SGCZ: variants seen among roughly 807,000 people sequenced by gnomAD.
SGCZ encodes the protein zeta-sarcoglycan.
SGCZ carries 40 observed loss-of-function variants against 41.3 expected under a neutral mutation model. The ratio of observed to expected loss-of-function variants is 0.97; its 90% CI spans 0.75 to 1.26. The LOEUF (loss-of-function observed/expected upper bound fraction) is 1.26, where lower values mean the gene tolerates loss of function less well. Ranked by LOEUF, SGCZ falls within the 50% of genes most tolerant of loss-of-function variation. The pLI is 0.00. For synonymous variants in SGCZ, 206 were observed against 137.5 expected (o/e 1.50, Z -3.49); for missense variants, 552 against 369.8 (o/e 1.49, Z -4.04).
chr8:14,879,693 T>C (rs538420242), intron 1 of SGCZ: 1 of 152,212 alleles, frequency 6.6e-6, no homozygotes, highest in South Asian at 2.1e-4. Context: ...TTCAGTTCCC[T>C]TAGTCTGCTC....
chr8:14,481,357 G>A (rs941257872), intron 2 of SGCZ, among the ~76,000 whole-genome samples: 7 of 152,116 alleles, frequency 4.6e-5, no homozygotes, highest in African/African-American at 1.4e-4. Context: ...GAGATGGGGA[G>A]GGGTCATAGA....
At position 15,026,885 on chromosome 8, in the gene SGCZ, G is replaced by A. The variant is rs146688396; in HGVS notation, c.39+210700C>T. 3.2e-3 allele frequency among the ~76,000 whole-genome samples: 489 copies of A among 152,250 alleles called. 4 individuals carry two copies. Among genetic ancestry groups the A allele is most frequent in the Admixed American group, 7.3e-3 (112 of 15,290 alleles). ...GACAGATGAGGTAGAATATTGAAGCGCTAACAGCATAAGTCCCTTCTGTTT... is the reference window on the plus strand; with the variant it reads ...GACAGATGAGGTAGAATATTGAAGCACTAACAGCATAAGTCCCTTCTGTTT... On this transcript the variant is annotated intron_variant, in intron 1 of 7. Transcript: ENST00000382080.
At chr8:14,853,472 T>C in intron 1 of SGCZ, 1 of 533,116 alleles carries the variant, frequency 1.9e-6, no homozygotes, top group South Asian at 1.4e-5. Flanking sequence ...GGCTGATTAA[T>C]ATCCACCCAA....
chr8:15,039,908 C>T (rs1033652233), intron 1 of SGCZ, among the ~76,000 whole-genome samples: 1 of 152,112 alleles, frequency 6.6e-6, no homozygotes, highest in South Asian at 2.1e-4. Context: ...GTTCCAATAC[C>T]ATTTTATTCT....
At chr8:14,675,897 G>C (rs997879400) in intron 1 of SGCZ, among the ~76,000 whole-genome samples, 2 of 152,194 alleles carry the variant, frequency 1.3e-5, no homozygotes, top group African/African-American at 4.8e-5. Context: ...TTGGAGACAG[G>C]TTTCAGAGGT....
intron 1 of SGCZ, among the ~76,000 whole-genome samples, chr8:14,830,447 T>G (rs1369761076): frequency 6.6e-6 from 1 of 152,330 alleles, no homozygotes; most frequent in African/African-American, 2.4e-5. Flanking sequence ...AATCATTCTT[T>G]ATTCTTCCTC....
intron 2 of SGCZ, among the ~76,000 whole-genome samples, chr8:14,476,602 T>G (rs961149833): frequency 1.3e-5 from 2 of 152,170 alleles, no homozygotes; most frequent in African/African-American, 4.8e-5. Context: ...TAATGGTCAA[T>G]CAGAGTTTAA....
At chr8:14,397,253 A>C (rs1019063226) in intron 2 of SGCZ, among the ~76,000 whole-genome samples, 2 of 152,114 alleles carry the variant, frequency 1.3e-5, no homozygotes, top group Non-Finnish European at 2.9e-5. Flanking sequence ...AATTTTTGTA[A>C]ATTTGATAAA....
At chr8:14,623,610 G>C (rs956686362) in intron 1 of SGCZ, among the ~76,000 whole-genome samples, 1 of 152,128 alleles carries the variant, frequency 6.6e-6, no homozygotes, top group Admixed American at 6.6e-5. Flanking sequence ...CTTAGCTAGA[G>C]GTTACATTTT....
intron 1 of SGCZ, among the ~76,000 whole-genome samples, chr8:14,825,964 T>G (rs1019585305): frequency 1.3e-5 from 2 of 152,030 alleles, no homozygotes; most frequent in Non-Finnish European, 2.9e-5. Flanking sequence ...ATACTTTAAG[T>G]TTTAGGGTAC....
At chr8:15,153,745 A>G (rs764969585) in intron 1 of SGCZ, among the ~76,000 whole-genome samples, 2 of 152,074 alleles carry the variant, frequency 1.3e-5, no homozygotes, top group African/African-American at 4.8e-5. Context: ...AGTTTCTCCA[A>G]GCCTCCTCAG....
chr8:14,663,112 G>A (rs1807807839), intron 1 of SGCZ, among the ~76,000 whole-genome samples: 1 of 151,956 alleles, frequency 6.6e-6, no homozygotes, highest in African/African-American at 2.4e-5. Context: ...CTATAACATT[G>A]GTGTCTTTTA....
rs1801510070 is a variant in SGCZ at position 14,085,895 on chromosome 8, G to A, written c.*4548C>T. 6.6e-6 allele frequency among the ~76,000 whole-genome samples: 1 copy of A among 151,674 alleles called. No homozygotes were observed. The highest frequency in any genetic ancestry group is 2.4e-5 in the African/African-American group (1 of 41,402). ...TTAGTAGGAGCAGCAGTGTTTTAGAGTTAAATACAATAGAAATCCCATTCT... is the reference window on the plus strand; with the variant it reads ...TTAGTAGGAGCAGCAGTGTTTTAGAATTAAATACAATAGAAATCCCATTCT... On this transcript the variant is annotated 3_prime_UTR_variant, in exon 8 of 8. Transcript: ENST00000382080.
intron 2 of SGCZ, among the ~76,000 whole-genome samples, chr8:14,350,238 G>A (rs991052761): frequency 6.7e-6 from 1 of 149,036 alleles, no homozygotes; most frequent in Non-Finnish European, 1.5e-5. Flanking sequence ...ATCTTAAGGA[G>A]CAAAACTTTT....
intron 1 of SGCZ, among the ~76,000 whole-genome samples, chr8:14,708,414 C>T (rs1809399750): frequency 6.6e-6 from 1 of 151,558 alleles, no homozygotes. Context: ...TAAAAACAGG[C>T]AGTCACTCCC....
chr8:14,886,981 A>T (rs1804832150), intron 1 of SGCZ, among the ~76,000 whole-genome samples: 1 of 152,162 alleles, frequency 6.6e-6, no homozygotes. Flanking sequence ...GAGAATCAAG[A>T]GGTCAACGAT....
intron 4 of SGCZ, among the ~76,000 whole-genome samples, chr8:14,217,897 C>T (rs1806056589): frequency 6.6e-6 from 1 of 152,006 alleles, no homozygotes; most frequent in Non-Finnish European, 1.5e-5. Flanking sequence ...TCCCAAAGTG[C>T]TGGGATTACA....
chr8:14,868,606 T>C (rs1563326570), intron 1 of SGCZ, among the ~76,000 whole-genome samples: 1 of 152,280 alleles, frequency 6.6e-6, no homozygotes, highest in African/African-American at 2.4e-5. Context: ...GTTTTACATG[T>C]ACCAGTTTAA....
intron 1 of SGCZ, among the ~76,000 whole-genome samples, chr8:15,159,755 C>A (rs1470216642): frequency 6.0e-5 from 4 of 66,892 alleles, no homozygotes; most frequent in Non-Finnish European, 1.0e-4. Context: ...CCCCCCCACC[C>A]CCGCCACACA....
Sources: gnomAD v4.1 joint callset for allele counts (sites outside exome capture counted in the v4.1 genomes callset) on GRCh38, gnomAD v4.1.1 for gene constraint, MANE v1.5 for transcripts, NCBI Gene and HGNC (gene_info 2026-07-23, HGNC 2026-07-21) for gene names.